The following FHIT variants were observed in gnomAD, a reference collection of about 807,000 sequenced individuals.
The protein encoded by FHIT is bis(5'-adenosyl)-triphosphatase.
In FHIT, 19 loss-of-function variants were observed where a neutral mutation model predicts 17.9. That is an observed-to-expected ratio of 1.06 (90% CI 0.74 to 1.56). The LOEUF is 1.56. Ranked by LOEUF, FHIT falls within the 40% of genes most tolerant of loss-of-function variation. The pLI, the probability that FHIT is intolerant of heterozygous loss-of-function variation, is 0.00. For synonymous variants in FHIT, 81 were observed against 69.7 expected (o/e 1.16, Z -0.81); for missense variants, 248 against 189.2 (o/e 1.31, Z -1.82).
At chr3:61,026,467 T>C (rs1022822105) in intron 3 of FHIT, among the ~76,000 whole-genome samples, 2 of 152,182 alleles carry the variant, frequency 1.3e-5, no homozygotes, top group African/African-American at 4.8e-5. Flanking sequence ...TCAAAGAGAA[T>C]ACCCACCAAC....
intron 5 of FHIT, among the ~76,000 whole-genome samples, chr3:60,164,204 T>A (rs558261964): frequency 1.3e-5 from 2 of 152,172 alleles, no homozygotes; most frequent in African/African-American, 4.8e-5. Flanking sequence ...CCTGGCAGGA[T>A]GGACATTAAC....
intron 5 of FHIT, among the ~76,000 whole-genome samples, chr3:60,273,651 A>T (rs1239177728): frequency 6.6e-6 from 1 of 152,166 alleles, no homozygotes; most frequent in Non-Finnish European, 1.5e-5. Flanking sequence ...TATAATGATC[A>T]TGCTGATCAT....
At chr3:60,887,994 G>A (rs1289961928) in intron 3 of FHIT, among the ~76,000 whole-genome samples, 1 of 152,194 alleles carries the variant, frequency 6.6e-6, no homozygotes, top group East Asian at 1.9e-4. Flanking sequence ...TTTGAGGATA[G>A]GGAAAAGTGT....
At chr3:60,384,499 A>C (rs1426499619) in intron 5 of FHIT, among the ~76,000 whole-genome samples, 1 of 152,050 alleles carries the variant, frequency 6.6e-6, no homozygotes, top group Non-Finnish European at 1.5e-5. Context: ...TCTTTCTCTC[A>C]CACACACTCC....
rs183874520 is a variant in FHIT at position 60,962,156 on chromosome 3, A to G, written c.-111+79891T>C. 7.2e-5 allele frequency among the ~76,000 whole-genome samples: 11 copies of G among 152,176 alleles called. No individual in the cohort carries two copies. The East Asian group carries it at 1.5e-3, about 21-fold the overall frequency. On this transcript the variant is annotated intron_variant, in intron 3 of 9. Transcript: ENST00000492590. ...AAGAGGTCCTTCCCATCTCTTGTAA[A>G]TTGGATTCCTAGGTATTTTATTCTC...
intron 3 of FHIT, among the ~76,000 whole-genome samples, chr3:60,931,187 G>C (rs1368202238): frequency 1.3e-5 from 2 of 151,734 alleles, no homozygotes; most frequent in African/African-American, 4.8e-5. Context: ...ACACAGGAAG[G>C]GGAACATCAA....
chr3:61,226,863 G>A lies in FHIT; in HGVS notation c.-213+24438C>T, dbSNP rs369482134. 5.9e-5 allele frequency among the ~76,000 whole-genome samples: 9 copies of A among 152,284 alleles called. No individual in the cohort carries two copies. The East Asian group carries it at 1.4e-3, about 23-fold the overall frequency. ...AATGTTTAGTAAGCATGTGGTATGAGCCAGACACTGAAATGGGTAGAATGC... is the reference window on the plus strand; with the variant it reads ...AATGTTTAGTAAGCATGTGGTATGAACCAGACACTGAAATGGGTAGAATGC... On this transcript the variant is annotated intron_variant, in intron 1 of 9. Coordinates refer to ENST00000492590, the MANE Select transcript of FHIT (RefSeq NM_002012.4).
chr3:60,927,226 C>T (rs1273273155), intron 3 of FHIT, among the ~76,000 whole-genome samples: 1 of 152,166 alleles, frequency 6.6e-6, no homozygotes, highest in Non-Finnish European at 1.5e-5. Flanking sequence ...GTCTCCAGCT[C>T]CTGACCTCCA....
intron 8 of FHIT, among the ~76,000 whole-genome samples, chr3:59,896,066 C>G (rs765512883): frequency 3.9e-5 from 6 of 152,176 alleles, no homozygotes; most frequent in Admixed American, 1.3e-4. Flanking sequence ...CCTGTGTAGT[C>G]AGACAAGTTT....
chr3:59,826,280 G>A (rs1354207268), intron 8 of FHIT, among the ~76,000 whole-genome samples: 1 of 152,090 alleles, frequency 6.6e-6, no homozygotes, highest in Non-Finnish European at 1.5e-5. Flanking sequence ...ACCACGCCCA[G>A]CTAATTTTTT....
At position 60,405,265 on chromosome 3, in the gene FHIT, T is replaced by C. The variant is rs970253765; in HGVS notation, c.103+131595A>G. 9.8e-5 allele frequency among the ~76,000 whole-genome samples: 15 copies of C among 152,314 alleles called. 1 individual carries two copies. Among genetic ancestry groups the C allele is most frequent in the Middle Eastern group, 6.8e-3 (2 of 294 alleles). ...TTAACATATAGCTACCCTTTCCTAA[T>C]TGGTTTTCTAAATTGTCATGCCCAC... On this transcript the variant is annotated intron_variant, in intron 5 of 9. Coordinates refer to ENST00000492590, the MANE Select transcript of FHIT (RefSeq NM_002012.4).
chr3:60,018,982 A>AAAC (rs34377896), intron 5 of FHIT, among the ~76,000 whole-genome samples: 9,741 of 151,944 alleles, frequency 0.064, 350 homozygotes, highest in African/African-American at 0.095. Flanking sequence ...CTCTGTCTCA[A>AAAC]AACAACAACA....
intron 5 of FHIT, among the ~76,000 whole-genome samples, chr3:60,276,793 T>G (rs112150873): frequency 3.2e-4 from 48 of 152,180 alleles, no homozygotes; most frequent in African/African-American, 9.4e-4. Flanking sequence ...AGCCAGCATG[T>G]CACAGGGCAA....
intron 5 of FHIT, among the ~76,000 whole-genome samples, chr3:60,356,484 A>G (rs970944671): frequency 6.6e-5 from 10 of 152,202 alleles, no homozygotes; most frequent in African/African-American, 2.4e-4. Context: ...TATGATAACC[A>G]CAGTAAAATG....
At chr3:60,395,800 A>G (rs548358525) in intron 5 of FHIT, among the ~76,000 whole-genome samples, 1 of 152,204 alleles carries the variant, frequency 6.6e-6, no homozygotes, top group Non-Finnish European at 1.5e-5. Context: ...TGGATACCAG[A>G]ATTCTGATTT....
intron 2 of FHIT, among the ~76,000 whole-genome samples, chr3:61,045,428 A>G (rs2033735139): frequency 6.6e-6 from 1 of 152,252 alleles, no homozygotes; most frequent in Non-Finnish European, 1.5e-5. Flanking sequence ...CAATTCAACA[A>G]GAAGAGCTAA....
chr3:61,170,918 G>T (rs1300252098), intron 2 of FHIT, among the ~76,000 whole-genome samples: 1 of 151,980 alleles, frequency 6.6e-6, no homozygotes, highest in Non-Finnish European at 1.5e-5. Flanking sequence ...ACTGGTATTA[G>T]ATACCCAAAA....
chr3:60,170,275 G>A (rs528589583), intron 5 of FHIT, among the ~76,000 whole-genome samples: 1 of 152,140 alleles, frequency 6.6e-6, no homozygotes, highest in African/African-American at 2.4e-5. Context: ...ATCTTCCAGA[G>A]AACAAAGGAA....
intron 3 of FHIT, among the ~76,000 whole-genome samples, chr3:60,929,596 T>C (rs1476194943): frequency 6.6e-6 from 1 of 152,088 alleles, no homozygotes; most frequent in Non-Finnish European, 1.5e-5. Context: ...AAATCATGAG[T>C]GAACTCCCAT....
Sources: allele counts gnomAD v4.1 joint callset (sites outside exome capture counted in the v4.1 genomes callset), GRCh38; gene constraint gnomAD v4.1.1; transcripts MANE v1.5; gene names NCBI Gene and HGNC (gene_info 2026-07-23, HGNC 2026-07-21).